RBM45: variants seen among roughly 807,000 people sequenced by gnomAD.
The protein encoded by RBM45 is RNA binding motif protein 45.
A neutral mutation model predicts 58.5 loss-of-function variants in RBM45; 39 were observed. The ratio of observed to expected loss-of-function variants is 0.67; its 90% CI spans 0.52 to 0.87. The LOEUF (loss-of-function observed/expected upper bound fraction) is 0.87. Among genes scored for constraint, RBM45 ranks in the 40% least tolerant of loss-of-function variants. The probability of loss-of-function intolerance (pLI) is 0.00; values close to 1 mark genes in which losing one functional copy is unlikely to be tolerated. For missense variants in RBM45, 481 were observed against 581.6 expected, an observed-to-expected ratio of 0.83 and a Z score of 1.78; for synonymous variants, 193 against 203.0, an observed-to-expected ratio of 0.95 and a Z score of 0.42.
chr2:178,135,695 C>A (rs1436043526), intron 3 of RBM45, among the ~76,000 whole-genome samples: 2 of 152,192 alleles, frequency 1.3e-5, no homozygotes, highest in Admixed American at 1.3e-4. Flanking sequence ...ATATTATTAG[C>A]CTTTAGTTCC....
intron 8 of RBM45, 25 bp downstream of exon 8, chr2:178,124,315 T>G (rs762530036): frequency 9.0e-5 from 126 of 1,402,860 alleles, no homozygotes; most frequent in Non-Finnish European, 7.3e-5. Flanking sequence ...TTTTTTGTTA[T>G]ATTTTATTTA....
chr2:178,123,449 TGATA>T (rs2087883208), intron 5 of RBM45, 69 bp from the exon 6 acceptor site: 3 of 1,442,066 alleles, frequency 2.1e-6, no homozygotes, highest in Non-Finnish European at 2.8e-6. Flanking sequence ...TTCATTTTTG[TGATA>T]GATTGTAACA....
At chr2:178,120,763 G>A (rs1259319763) in intron 4 of RBM45, among the ~76,000 whole-genome samples, 1 of 152,066 alleles carries the variant, frequency 6.6e-6, no homozygotes, top group African/African-American at 2.4e-5. Context: ...CTAAAATTTT[G>A]TTCCAGAACT....
chr2:178,131,572 C>A (rs2088005474), downstream of RBM45, among the ~76,000 whole-genome samples: 1 of 152,138 alleles, frequency 6.6e-6, no homozygotes, highest in African/African-American at 2.4e-5. Context: ...GCAGCCGGTC[C>A]CAGCAAACAG....
At chr2:178,133,389 C>T (rs893339199), downstream of RBM45, among the ~76,000 whole-genome samples, 2 of 151,850 alleles carry the variant, frequency 1.3e-5, no homozygotes, top group Non-Finnish European at 2.9e-5. Flanking sequence ...TGAAGAAGTA[C>T]GTAGGTAAAT....
rs770898461 is a variant in RBM45, at chr2:178,112,575, G to T, written c.29G>T (p.Gly10Val). ...GACGAAGCTGGCAGCTCTGCGAGCGGCGGGGGCTTCCGCCCGGGCGTGGAC... is the reference window on the plus strand; with the variant it reads ...GACGAAGCTGGCAGCTCTGCGAGCGTCGGGGGCTTCCGCCCGGGCGTGGAC... MDEAGSSASGGGFRPGVDSL... is the reference protein window; with the variant it reads MDEAGSSASVGGFRPGVDSL... The change falls in exon 1 of 10, where the codon GGC (glycine) becomes GTC (valine). Residue 10 changes from glycine (G) to valine (V), a missense_variant. By Grantham distance (109) the Gly-to-Val change is moderately radical. Transcript: ENST00000286070. 1.3e-6 allele frequency: 2 copies of T among 1,578,832 alleles called. No individual in the cohort carries two copies. The highest frequency in any genetic ancestry group is 3.4e-5 in the Admixed American group (2 of 58,664).
chr2:178,116,692 A>G (rs1239092252), intron 2 of RBM45, among the ~76,000 whole-genome samples: 1 of 152,198 alleles, frequency 6.6e-6, no homozygotes, highest in Non-Finnish European at 1.5e-5. Context: ...CACAACTAGT[A>G]GGTGGTAGAG....
intron 3 of RBM45, among the ~76,000 whole-genome samples, chr2:178,118,544 T>C (rs139941239): frequency 6.6e-6 from 1 of 152,106 alleles, no homozygotes; most frequent in African/African-American, 2.4e-5. Flanking sequence ...TTATATTTGA[T>C]CTACATCCCA....
At chr2:178,136,605 G>A (rs1361845221) in exon 4 of RBM45, 1 of 152,246 alleles carries the variant, frequency 6.6e-6, no homozygotes, top group Non-Finnish European at 1.5e-5. Context: ...AGCACAGAAA[G>A]ATGTCTTAGC....
At chr2:178,134,959 A>G (rs1263019713) in intron 3 of RBM45, among the ~76,000 whole-genome samples, 1 of 152,136 alleles carries the variant, frequency 6.6e-6, no homozygotes, top group African/African-American at 2.4e-5. Flanking sequence ...GTGAGCCAAG[A>G]TTTCGCCACT....
In RBM45 at chr2:178,121,339, G is replaced by A. The variant is rs1186989827; in HGVS notation, c.833G>A (p.Arg278Gln). The change falls in exon 5 of 10, where the codon CGA becomes CAA. Residue 278 changes from arginine to glutamine, a missense_variant. Arg to Gln is a conservative substitution (Grantham distance 43). Transcript: ENST00000286070. Reference protein sequence around the residue: ...VPGLEYCEVQRDPYSNYGHGV... With the variant: ...VPGLEYCEVQQDPYSNYGHGV... ...GGATTGGAATATTGTGAAGTTCAAC[G>A]AGATCCTTATTCAAATTATGGTAAA... The A allele has an allele frequency of 1.1e-5, 17 of 1,563,428 alleles. No individual in the cohort carries two copies. The highest frequency in any genetic ancestry group is 2.8e-5 in the African/African-American group (2 of 71,654).
Position 178,124,282 on chromosome 2 carries a change from T to A in RBM45, c.1224T>A (p.Asp408Glu), listed in dbSNP as rs773489040. The change falls in exon 8 of 10, where the codon GAT becomes GAA. Residue 408 changes from aspartate to glutamate, a missense_variant. Coordinates refer to ENST00000286070, the MANE Select transcript of RBM45 (RefSeq NM_152945.4). ...PHPLPLDVLE[D>E]IFCRFGNLIE... ...CTTTACCTTTAGACGTATTAGAAGA[T>A]ATATTCTGGTAAGAAAGTTACATTT... The A allele has an allele frequency of 6.6e-7, 1 of 1,525,204 alleles. No homozygotes were observed. The highest frequency in any genetic ancestry group is 8.9e-7 in the Non-Finnish European group (1 of 1,128,288). The allele number at this position is 1,525,204 out of a possible 1,614,324, so 94.5% of individuals were successfully genotyped here.
At chr2:178,126,218 T>C (rs760627615) in intron 9 of RBM45, 34 bp downstream of exon 9, 2 of 1,214,926 alleles carry the variant, frequency 1.6e-6, no homozygotes, top group Non-Finnish European at 2.4e-6. Flanking sequence ...TTAAAACATA[T>C]TGAGTAAATA....
chr2:178,132,877 T>C (rs1033531980), downstream of RBM45, among the ~76,000 whole-genome samples: 1 of 152,144 alleles, frequency 6.6e-6, no homozygotes, highest in African/African-American at 2.4e-5. Flanking sequence ...CGTGAACCAC[T>C]GCACCCAGCC....
At chr2:178,130,734 C>G (rs1028795570), downstream of RBM45, among the ~76,000 whole-genome samples, 6 of 152,196 alleles carry the variant, frequency 3.9e-5, no homozygotes, top group Admixed American at 6.5e-5. Flanking sequence ...TTATACTTCT[C>G]ACATTCTGAC....
At chr2:178,124,858 A>G (rs1461529265) in intron 8 of RBM45, among the ~76,000 whole-genome samples, 1 of 152,014 alleles carries the variant, frequency 6.6e-6, no homozygotes. Context: ...TTGTTGGTGC[A>G]TTGTAGGATC....
chr2:178,131,251 T>C (rs978184667), downstream of RBM45, among the ~76,000 whole-genome samples: 9 of 152,272 alleles, frequency 5.9e-5, no homozygotes, highest in African/African-American at 1.7e-4. Flanking sequence ...TTACAAGTTA[T>C]TGGGCTCTGC....
chr2:178,128,459 A>G (rs1332931676), intron 9 of RBM45, among the ~76,000 whole-genome samples: 2 of 152,220 alleles, frequency 1.3e-5, no homozygotes, highest in African/African-American at 4.8e-5. Flanking sequence ...TAAAATAATG[A>G]CATCCAAATG....
At chr2:178,137,835 A>G (rs984204567) in exon 4 of RBM45, 21 of 152,206 alleles carry the variant, frequency 1.4e-4, no homozygotes, top group African/African-American at 4.6e-4. Context: ...AAAAATCAGC[A>G]TGAGGCTGGT....
Sources: gnomAD v4.1 joint callset for allele counts (sites outside exome capture counted in the v4.1 genomes callset) on GRCh38, gnomAD v4.1.1 for gene constraint, MANE v1.5 for transcripts, NCBI Gene and HGNC (gene_info 2026-07-23, HGNC 2026-07-21) for gene names.